Variants in DISC1 observed in about 807,000 individuals in gnomAD.
DISC1 encodes DISC1 scaffold protein, also known as disrupted in schizophrenia 1 protein.
Under a neutral mutation model 84.5 loss-of-function variants are expected in DISC1, and 57 were observed. The ratio of observed to expected loss-of-function variants is 0.67; its 90% confidence interval spans 0.55 to 0.84. DISC1 has a LOEUF of 0.84. Ranked by LOEUF, DISC1 falls within the 40% of genes least tolerant of loss-of-function variation. The pLI is 0.00. For synonymous variants in DISC1, 411 were observed against 415.2 expected (o/e 0.99, Z 0.12); for missense variants, 1,000 against 1,057.8 (o/e 0.95, Z 0.76).
At chr1:231,865,395 C>T (rs1431696881) in intron 9 of DISC1, among the ~76,000 whole-genome samples, 1 of 152,158 alleles carries the variant, frequency 6.6e-6, no homozygotes, top group East Asian at 1.9e-4. Context: ...TCAGTGATGC[C>T]AGAAAATCAA....
chr1:231,724,472 C>T, intron 3 of DISC1, among the ~76,000 whole-genome samples: 1 of 152,168 alleles, frequency 6.6e-6, no homozygotes, highest in East Asian at 1.9e-4. Context: ...AGGTGATTGT[C>T]TTGAAGCCCT....
At chr1:232,028,526 G>A (rs1479236910) in intron 12 of DISC1, among the ~76,000 whole-genome samples, 1 of 152,182 alleles carries the variant, frequency 6.6e-6, no homozygotes, top group African/African-American at 2.4e-5. Context: ...ATCCAAGCCA[G>A]ATTTAATAGC....
At chr1:231,760,837 G>A (rs2125391825) in intron 4 of DISC1, among the ~76,000 whole-genome samples, 1 of 152,340 alleles carries the variant, frequency 6.6e-6, no homozygotes, top group African/African-American at 2.4e-5. Flanking sequence ...GGCCCAGGGG[G>A]CCTGAGTGCT....
intron 4 of DISC1, among the ~76,000 whole-genome samples, chr1:231,751,770 A>G (rs529176949): frequency 6.6e-6 from 1 of 152,222 alleles, no homozygotes; most frequent in Non-Finnish European, 1.5e-5. Flanking sequence ...AGTGTCTTCA[A>G]TGTTCATCCA....
chr1:231,874,852 A>G (rs2085748089), intron 9 of DISC1, among the ~76,000 whole-genome samples: 2 of 149,462 alleles, frequency 1.3e-5, no homozygotes, highest in Non-Finnish European at 3.0e-5. Flanking sequence ...CGGAGCTTGC[A>G]GTGAGCCGAG....
Position 231,996,296 on chromosome 1 carries a change from G to A in DISC1, c.2043-12489G>A, listed in dbSNP as rs1040448442. The stretch of plus-strand genomic sequence containing the variant: ...TTTTCTCCCATTTTGTAGGTTGCCT[G>A]TTCACTCTGATGGTAGCTTCTTTTG... On this transcript the variant is annotated intron_variant, in intron 10 of 12. Coordinates refer to ENST00000439617, the MANE Select transcript of DISC1 (RefSeq NM_018662.3). Among the ~76,000 whole-genome samples the A allele has an allele frequency of 4.6e-5, 7 of 152,132 alleles. No homozygotes were observed. The East Asian group carries it at 7.7e-4, about 17-fold the overall frequency.
chr1:231,663,304 C>T (rs963320957), intron 1 of DISC1, among the ~76,000 whole-genome samples: 3 of 152,102 alleles, frequency 2.0e-5, no homozygotes, highest in Non-Finnish European at 4.4e-5. Context: ...CATCAGAGCT[C>T]CACAATATAC....
At chr1:231,640,023 G>T (rs2059503314) in intron 1 of DISC1, among the ~76,000 whole-genome samples, 1 of 152,174 alleles carries the variant, frequency 6.6e-6, no homozygotes, top group South Asian at 2.1e-4. Flanking sequence ...ACTCTAAATT[G>T]CTTCACATCT....
chr1:231,876,920 G>A (rs1233788758), intron 9 of DISC1, among the ~76,000 whole-genome samples: 2 of 152,190 alleles, frequency 1.3e-5, no homozygotes, highest in Non-Finnish European at 2.9e-5. Context: ...GGCAGGGTGT[G>A]TACAGGGTGC....
chr1:231,946,851 T>C (rs1657329512), intron 9 of DISC1, among the ~76,000 whole-genome samples: 1 of 152,196 alleles, frequency 6.6e-6, no homozygotes, highest in Non-Finnish European at 1.5e-5. Flanking sequence ...GAACTCCCTT[T>C]CATAATTGCT....
intron 3 of DISC1, among the ~76,000 whole-genome samples, chr1:231,709,191 GC>G (rs2067480002): frequency 6.6e-6 from 1 of 152,178 alleles, no homozygotes; most frequent in East Asian, 1.9e-4. Context: ...TTTGAGCATT[GC>G]CCATTTGTGT....
chr1:231,717,977 C>T (rs751157839), intron 3 of DISC1, among the ~76,000 whole-genome samples: 1 of 152,124 alleles, frequency 6.6e-6, no homozygotes. Context: ...CTCAGCCCAG[C>T]TCCTCTTGCC....
At chr1:232,020,077 C>A (rs1195961211) in intron 11 of DISC1, among the ~76,000 whole-genome samples, 1 of 152,098 alleles carries the variant, frequency 6.6e-6, no homozygotes, top group Admixed American at 6.5e-5. Flanking sequence ...TGCGGTGGCT[C>A]ACACCTGTAA....
intron 9 of DISC1, among the ~76,000 whole-genome samples, chr1:231,907,319 C>T (rs1230867175): frequency 1.3e-5 from 2 of 151,344 alleles, no homozygotes; most frequent in African/African-American, 4.9e-5. Flanking sequence ...CTCCCCACTC[C>T]CCCCACCCCA....
At chr1:231,714,690 A>T (rs1003230461) in intron 3 of DISC1, among the ~76,000 whole-genome samples, 1 of 150,938 alleles carries the variant, frequency 6.6e-6, no homozygotes, top group Admixed American at 6.6e-5. Context: ...GAGAGACAGA[A>T]AGAGAGAGAT....
chr1:231,877,468 T>A (rs984865309), intron 9 of DISC1, among the ~76,000 whole-genome samples: 1 of 152,230 alleles, frequency 6.6e-6, no homozygotes, highest in African/African-American at 2.4e-5. Context: ...TATTTTTATC[T>A]TGTTGGCAGA....
chr1:231,641,515 G>A (rs2059670425), intron 1 of DISC1, among the ~76,000 whole-genome samples: 2 of 152,176 alleles, frequency 1.3e-5, no homozygotes, highest in South Asian at 2.1e-4. Flanking sequence ...CCCAAAGAGT[G>A]AGCAGCAGCA....
chr1:231,946,469 A>G lies in DISC1; in HGVS notation c.1982-12359A>G, dbSNP rs1657231159. On this transcript the variant is annotated intron_variant, in intron 9 of 12. Transcript: ENST00000439617. Reference sequence around the variant, plus strand: ...TATCGATGGAATGTATCTCAAAATAATAAGAGCTTTTTATGACAAACCCAC... The same window carrying G: ...TATCGATGGAATGTATCTCAAAATAGTAAGAGCTTTTTATGACAAACCCAC... Among the ~76,000 whole-genome samples the G allele has an allele frequency of 3.9e-5, 6 of 152,246 alleles. No individual in the cohort carries two copies. The South Asian group carries it at 1.0e-3, about 26-fold the overall frequency.
intron 9 of DISC1, among the ~76,000 whole-genome samples, chr1:231,851,765 C>T (rs966594540): frequency 9.9e-5 from 15 of 152,166 alleles, no homozygotes; most frequent in African/African-American, 2.7e-4. Flanking sequence ...AGTGGGAATG[C>T]GGCACTCATG....
Sources: gnomAD v4.1 joint callset for allele counts (sites outside exome capture counted in the v4.1 genomes callset) on GRCh38, gnomAD v4.1.1 for gene constraint, MANE v1.5 for transcripts, NCBI Gene and HGNC (gene_info 2026-07-23, HGNC 2026-07-21) for gene names.